Variants in FAM131B observed in about 807,000 individuals in gnomAD.
FAM131B encodes the protein protein FAM131B.
In FAM131B, 19 loss-of-function variants were observed where a neutral mutation model predicts 42.0. That is an observed-to-expected ratio of 0.45 (90% CI 0.32 to 0.66). The LOEUF (loss-of-function observed/expected upper bound fraction) is 0.66. Ranked by LOEUF, FAM131B falls within the 30% of genes least tolerant of loss-of-function variation. FAM131B has a pLI of 0.05. For missense variants in FAM131B, 370 were observed against 468.4 expected (o/e 0.79, Z 1.94); for synonymous variants, 183 against 177.6 (o/e 1.03, Z -0.24).
intron 1 of FAM131B, chr7:143,360,391 TG>T: frequency 1.5e-6 from 2 of 1,374,972 alleles, no homozygotes; most frequent in Non-Finnish European, 1.9e-6. Flanking sequence ...GTTGTTTATG[TG>T]GAGGGGTCAG....
Position 143,359,843 on chromosome 7 carries a change from C to G in FAM131B, c.139-76G>C. The G allele has an allele frequency of 1.4e-6, 2 of 1,417,828 alleles. No homozygotes were observed. Among genetic ancestry groups the G allele is most frequent in the Non-Finnish European group, 1.9e-6 (2 of 1,027,286 alleles). The allele number at this position is 1,417,828 out of a possible 1,614,324, so 87.8% of individuals were successfully genotyped here. ...CAAGGAAGCCCCCTTCCTCAGAGGG[C>G]CTTCCAGGAGTGCGGGATGTGGGGA... On this transcript the variant is annotated intron_variant, in intron 2 of 6. Coordinates refer to ENST00000443739, the MANE Select transcript of FAM131B (RefSeq NM_001031690.3). This position sits in a 1 kb window ranked among gnomAD's most constrained non-coding sequence, Gnocchi z 5.4.
the FAM131B span, among the ~76,000 whole-genome samples, chr7:143,374,227 G>A: frequency 4.6e-5 from 7 of 152,120 alleles, no homozygotes; most frequent in Non-Finnish European, 7.4e-5. Flanking sequence ...TTCTCAGTAC[G>A]TCCAGAATGA....
Position 143,359,482 on chromosome 7 carries a change from G to A in FAM131B, c.175-63C>T, listed in dbSNP as rs1490423892. The A allele has an allele frequency of 6.9e-6, 9 of 1,295,500 alleles. No individual in the cohort carries two copies. The highest frequency in any genetic ancestry group is 1.0e-5 in the Non-Finnish European group (9 of 899,546). 80.3% of individuals were successfully genotyped at this position (1,295,500 alleles called of 1,614,324 possible). On this transcript the variant is annotated intron_variant, in intron 3 of 6. Transcript: ENST00000443739. This position sits in a 1 kb window ranked among gnomAD's most constrained non-coding sequence, Gnocchi z 5.4. ...GAAGGTACGGGCGTGCTTTATACAT[G>A]GAGGAGGTTCATGGTTTCCAGGAAA...
rs1311935820 is a variant in FAM131B, at chr7:143,358,910, T to G, written c.383A>C (p.Gln128Pro). ...GWGKTPAVQP[Q>P]HSHESVRRDT... ...CCTGCGCACGGACTCATGGCTGTGT[T>G]GTGGCTGAACAGCTGGTGTCTTCCC... The change falls in exon 5 of 7, where the codon CAA becomes CCA. Residue 128 changes from glutamine to proline, a missense_variant. Gln to Pro is a moderately conservative substitution (Grantham distance 76). Transcript: ENST00000443739. This position sits in a 1 kb window ranked among gnomAD's most constrained non-coding sequence, Gnocchi z 4.7. The G allele has an allele frequency of 6.2e-7, 1 of 1,614,022 alleles. No individual in the cohort carries two copies. Among genetic ancestry groups the G allele is most frequent in the Admixed American group, 1.7e-5 (1 of 60,004 alleles).
In FAM131B at chr7:143,356,881, G is replaced by A; in HGVS notation, c.752C>T (p.Pro251Leu). The change falls in exon 7 of 7, where the codon CCT (proline) becomes CTT (leucine). Residue 251 changes from proline to leucine, a missense_variant. Coordinates refer to ENST00000443739, the MANE Select transcript of FAM131B (RefSeq NM_001031690.3). The surrounding 1 kb of genome is among the most constrained non-coding windows in gnomAD (Gnocchi z 4.4). ...ASPATGSYLG[P>L]AFDDSQPSLH... ...GCTGGGTTGTGAGTCATCAAATGCA[G>A]GCCCAAGATAGGATCCTGTGGCCGG... 1 of 1,614,128 alleles carries A rather than the reference G, an allele frequency of 6.2e-7. No homozygotes were observed. The highest frequency in any genetic ancestry group is 8.5e-7 in the Non-Finnish European group (1 of 1,180,026).
In FAM131B at chr7:143,360,129, C is replaced by T. The variant is rs770128882; in HGVS notation, c.49G>A (p.Asp17Asn). ...TCGACATCCTTCAGGCCCTTCCAAT[C>T]CACTGCAATCACCTCATTCCCTGAG... ...RTVGNEVIAV[D>N]WKGLKDVDQI... is the part of the protein sequence containing the mutation. Residue 17 changes from aspartate to asparagine, a missense_variant, in exon 2 of 7, where the codon GAT becomes AAT. Coordinates refer to ENST00000443739, the MANE Select transcript of FAM131B (RefSeq NM_001031690.3). The T allele has an allele frequency of 5.0e-6, 8 of 1,613,358 alleles. No homozygotes were observed. Among genetic ancestry groups the T allele is most frequent in the Non-Finnish European group, 6.8e-6 (8 of 1,179,770 alleles).
chr7:143,368,610 G>C, the FAM131B span, among the ~76,000 whole-genome samples: 2 of 152,194 alleles, frequency 1.3e-5, no homozygotes, highest in Non-Finnish European at 2.9e-5. Flanking sequence ...CCTGCCTTGT[G>C]CTTACAAGCC....
In FAM131B at chr7:143,359,368, T is replaced by C. The variant is rs1380525851; in HGVS notation, c.226A>G (p.Asn76Asp). 2 of 1,613,846 alleles carry C rather than the reference T, an allele frequency of 1.2e-6. No homozygotes were observed. Among genetic ancestry groups the C allele is most frequent in the Non-Finnish European group, 1.7e-6 (2 of 1,179,958 alleles). The change falls in exon 4 of 7, where the codon AAC becomes GAC. Residue 76 changes from asparagine to aspartate, a missense_variant. Asn to Asp is a conservative substitution (Grantham distance 23). Coordinates refer to ENST00000443739, the MANE Select transcript of FAM131B (RefSeq NM_001031690.3). This position sits in a 1 kb window ranked among gnomAD's most constrained non-coding sequence, Gnocchi z 5.4. ...GCCAGGGCCCCAATGCCATAGGCGT[T>C]AGAGTTTCGCTTAAGCTTCGGAAGA... is the stretch of plus-strand genomic sequence containing the variant. ...SILPKLKRNSNAYGIGALAKS... is the reference protein window; with the variant it reads ...SILPKLKRNSDAYGIGALAKS...
At chr7:143,363,363 G>A (rs557619749), upstream of FAM131B, among the ~76,000 whole-genome samples, 1 of 152,112 alleles carries the variant, frequency 6.6e-6, no homozygotes, top group African/African-American at 2.4e-5. Flanking sequence ...GCCTGGTTGG[G>A]GATTGGAGAA....
In FAM131B at chr7:143,362,659, A is replaced by C. The variant is rs2116488761; in HGVS notation, c.-56T>G. 9.4e-7 allele frequency: 1 copy of C among 1,062,380 alleles called. No homozygotes were observed. Among genetic ancestry groups the C allele is most frequent in the East Asian group, 3.8e-5 (1 of 26,574 alleles). The allele number at this position is 1,062,380 out of a possible 1,614,324, so 65.8% of individuals were successfully genotyped here. The stretch of plus-strand genomic sequence containing the variant: ...CCGACTCGGGGCGCGCGCCGGGGGG[A>C]GCACCGGGAGCCGCGCCGCCGCCCC... On this transcript the variant is annotated 5_prime_UTR_variant, in exon 1 of 7. Coordinates refer to ENST00000443739, the MANE Select transcript of FAM131B (RefSeq NM_001031690.3). This position sits in a 1 kb window ranked among gnomAD's most constrained non-coding sequence, Gnocchi z 7.7.
chr7:143,357,292 T>C lies in FAM131B; in HGVS notation c.598A>G (p.Met200Val), dbSNP rs1803710766. ...GAACATCTCTCACCCTGACTGTCCA[T>C]CAGTTCCTGGTAGTTGTCACTGTAG... ...CNYSDNYQEL[M>V]DSQDALAQAP... is the part of the protein sequence containing the mutation. The change falls in exon 6 of 7, where the codon ATG (methionine) becomes GTG (valine). Residue 200 changes from methionine to valine, a missense_variant. Transcript: ENST00000443739. The C allele has an allele frequency of 6.2e-7, 1 of 1,614,200 alleles. No homozygotes were observed.
In FAM131B at chr7:143,362,487, G is replaced by T. The variant is rs975923506; in HGVS notation, c.28+89C>A. 3.8e-6 allele frequency: 2 copies of T among 527,422 alleles called. No individual in the cohort carries two copies. The highest frequency in any genetic ancestry group is 3.7e-5 in the East Asian group (1 of 27,272). The allele number at this position is 527,422 out of a possible 1,614,324, so 32.7% of individuals were successfully genotyped here. On this transcript the variant is annotated intron_variant, in intron 1 of 6. Coordinates refer to ENST00000443739, the MANE Select transcript of FAM131B (RefSeq NM_001031690.3). The surrounding 1 kb of genome is among the most constrained non-coding windows in gnomAD (Gnocchi z 7.7). Reference sequence around the variant, plus strand: ...GGGCAAGGCGGGTGCGGAGCGGGGCGCCCGGAGGCGCGAGGAGAGGGATGG... The same window carrying T: ...GGGCAAGGCGGGTGCGGAGCGGGGCTCCCGGAGGCGCGAGGAGAGGGATGG...
rs1803875322 is a variant in FAM131B at position 143,359,949 on chromosome 7, A to C, written c.138+91T>G. ...TGTGTTGTGAGAAATGTTCTGTAGA[A>C]GTGTCAGTCTGAAGGAGTGTTTGGG... On this transcript the variant is annotated intron_variant, in intron 2 of 6. Coordinates refer to ENST00000443739, the MANE Select transcript of FAM131B (RefSeq NM_001031690.3). The surrounding 1 kb of genome is among the most constrained non-coding windows in gnomAD (Gnocchi z 5.4). 1 of 1,053,624 alleles carries C rather than the reference A, an allele frequency of 9.5e-7. No homozygotes were observed. Among genetic ancestry groups the C allele is most frequent in the Non-Finnish European group, 1.4e-6 (1 of 692,678 alleles). The allele number at this position is 1,053,624 out of a possible 1,614,324, so 65.3% of individuals were successfully genotyped here. A position where few individuals can be genotyped will look rare whatever the true frequency, so the allele number is the denominator to read the frequency against.
the FAM131B span, among the ~76,000 whole-genome samples, chr7:143,370,852 C>T: frequency 1.3e-5 from 2 of 152,102 alleles, no homozygotes; most frequent in Admixed American, 1.3e-4. Flanking sequence ...CCTTCTTGTG[C>T]GAGATCCAAG....
chr7:143,363,347 C>T (rs538994084), upstream of FAM131B, among the ~76,000 whole-genome samples: 15 of 152,244 alleles, frequency 9.9e-5, no homozygotes, highest in Non-Finnish European at 1.3e-4. Context: ...GATAGTTGAC[C>T]TCCAGGCCTG....
chr7:143,365,068 T>C (rs892141668), upstream of FAM131B, among the ~76,000 whole-genome samples: 1 of 152,198 alleles, frequency 6.6e-6, no homozygotes, highest in East Asian at 1.9e-4. Flanking sequence ...TTTATTTTAT[T>C]GGGATATATT....
chr7:143,359,239 C>T lies in FAM131B; in HGVS notation c.268+87G>A, dbSNP rs2116457680. ...GTCAGGGGGTGGGGATGAGGGTCTTCATCAACCTCGAAGGAGCAGGGAGAC... is the reference window on the plus strand; with the variant it reads ...GTCAGGGGGTGGGGATGAGGGTCTTTATCAACCTCGAAGGAGCAGGGAGAC... On this transcript the variant is annotated intron_variant, in intron 4 of 6. Coordinates refer to ENST00000443739, the MANE Select transcript of FAM131B (RefSeq NM_001031690.3). The surrounding 1 kb of genome is among the most constrained non-coding windows in gnomAD (Gnocchi z 5.4). 1.7e-6 allele frequency: 2 copies of T among 1,171,292 alleles called. No individual in the cohort carries two copies. The highest frequency in any genetic ancestry group is 4.8e-5 in the East Asian group (2 of 41,534). 72.6% of individuals were successfully genotyped at this position (1,171,292 alleles called of 1,614,324 possible). A position where few individuals can be genotyped will look rare whatever the true frequency, so the allele number is the denominator to read the frequency against.
At position 143,359,413 on chromosome 7, in the gene FAM131B, T is replaced by A. The variant is rs372857234; in HGVS notation, c.181A>T (p.Met61Leu). ...DFSWDGINLS[M>L]EDTTSILPKL... Reference sequence around the variant, plus strand: ...GGAAGAATGGAAGTGGTGTCCTCCATGGAGAGCTGGGATGGGAATGTGGGA... The same window carrying A: ...GGAAGAATGGAAGTGGTGTCCTCCAAGGAGAGCTGGGATGGGAATGTGGGA... Residue 61 changes from methionine to leucine, a missense_variant, in exon 4 of 7, where the codon ATG (methionine) becomes TTG (leucine). Met to Leu is a conservative substitution (Grantham distance 15). Transcript: ENST00000443739. This position sits in a 1 kb window ranked among gnomAD's most constrained non-coding sequence, Gnocchi z 5.4. The A allele has an allele frequency of 7.8e-5, 125 of 1,612,720 alleles. No homozygotes were observed. The highest frequency in any genetic ancestry group is 8.8e-5 in the Non-Finnish European group (104 of 1,179,292).
intron 1 of FAM131B, 103 bp from the exon 2 acceptor site, chr7:143,360,252 A>G (rs1367982282): frequency 6.6e-7 from 1 of 1,523,714 alleles, no homozygotes; most frequent in Non-Finnish European, 8.8e-7. Context: ...CCAGCTGCCC[A>G]TTTCCTCTTA....
Sources: gnomAD v4.1 joint callset for allele counts (sites outside exome capture counted in the v4.1 genomes callset) on GRCh38, gnomAD v4.1.1 for gene constraint, Gnocchi (gnomAD v3.1) non-coding constraint, MANE v1.5 for transcripts, NCBI Gene and HGNC (gene_info 2026-07-23, HGNC 2026-07-21) for gene names.